SLC39A11: variants seen among roughly 807,000 people sequenced by gnomAD.
SLC39A11 encodes the protein zinc transporter ZIP11.
SLC39A11 carries 33 observed loss-of-function variants against 36.1 expected under a neutral mutation model. The ratio of observed to expected loss-of-function variants is 0.91; its 90% CI spans 0.69 to 1.22. The LOEUF (loss-of-function observed/expected upper bound fraction) is 1.22, where lower values mean the gene tolerates loss of function less well. SLC39A11 is among the 50% of genes most tolerant of loss of function. The pLI is 0.00. For synonymous variants in SLC39A11, 166 were observed against 170.3 expected (o/e 0.97, Z 0.20); for missense variants, 432 against 430.3 (o/e 1.00, Z -0.03).
intron 6 of SLC39A11, among the ~76,000 whole-genome samples, chr17:72,838,749 A>T (rs2078680527): frequency 6.6e-6 from 1 of 152,180 alleles, no homozygotes; most frequent in African/African-American, 2.4e-5. Flanking sequence ...TAGGGTCAGT[A>T]ACCATTTAAA....
intron 5 of SLC39A11, among the ~76,000 whole-genome samples, chr17:72,908,406 A>C (rs2082777576): frequency 6.6e-6 from 1 of 152,210 alleles, no homozygotes. Flanking sequence ...TGCTAGCCAC[A>C]CACACAGGGC....
chr17:72,817,084 T>C (rs1483122193), intron 6 of SLC39A11, among the ~76,000 whole-genome samples: 2 of 123,740 alleles, frequency 1.6e-5, no homozygotes, highest in Admixed American at 1.6e-4. Context: ...TCTCAGTCCA[T>C]TTGTGTTGAT....
intron 1 of SLC39A11, among the ~76,000 whole-genome samples, chr17:73,090,385 C>A (rs750283120): frequency 6.6e-6 from 1 of 152,086 alleles, no homozygotes; most frequent in Non-Finnish European, 1.5e-5. Context: ...AAAACTGTGA[C>A]CACGCCAATT....
chr17:73,089,934 A>C (rs2060870487), intron 1 of SLC39A11, among the ~76,000 whole-genome samples: 1 of 152,196 alleles, frequency 6.6e-6, no homozygotes, highest in Non-Finnish European at 1.5e-5. Flanking sequence ...TCCCTGTGGA[A>C]AGTTACAAGG....
At chr17:72,982,840 T>C (rs1243911617) in intron 4 of SLC39A11, among the ~76,000 whole-genome samples, 1 of 152,192 alleles carries the variant, frequency 6.6e-6, no homozygotes, top group Non-Finnish European at 1.5e-5. Flanking sequence ...GCAGCTAAAA[T>C]AAATAGTTGG....
At chr17:73,075,217 TTG>T (rs1207661838) in intron 3 of SLC39A11, among the ~76,000 whole-genome samples, 1 of 152,194 alleles carries the variant, frequency 6.6e-6, no homozygotes, top group Admixed American at 6.5e-5. Context: ...GAAAAGATGT[TTG>T]CCAACCTGTG....
intron 4 of SLC39A11, among the ~76,000 whole-genome samples, chr17:72,990,867 TG>T (rs1320050218): frequency 1.3e-5 from 2 of 152,222 alleles, no homozygotes; most frequent in African/African-American, 2.4e-5. Context: ...GGACCATTAC[TG>T]TTATACAAAG....
chr17:73,041,010 A>AAAAAAC (rs750102160), intron 3 of SLC39A11, among the ~76,000 whole-genome samples: 73 of 100,142 alleles, frequency 7.3e-4, no homozygotes, highest in East Asian at 4.3e-3. Context: ...AACAAAAAAC[A>AAAAAAC]AAAAAAAAAA....
At chr17:72,653,137 CT>C (rs2069933585) in intron 7 of SLC39A11, among the ~76,000 whole-genome samples, 1 of 150,102 alleles carries the variant, frequency 6.7e-6, no homozygotes, top group African/African-American at 2.5e-5. Context: ...TGGAGTCTCG[CT>C]CTGTCATCCA....
At chr17:72,742,925 G>C (rs1417986807) in intron 6 of SLC39A11, among the ~76,000 whole-genome samples, 2 of 152,158 alleles carry the variant, frequency 1.3e-5, no homozygotes, top group Non-Finnish European at 2.9e-5. Context: ...ATATCTGTCA[G>C]ATATCACAAT....
chr17:72,780,611 A>G (rs1008938945), intron 6 of SLC39A11, among the ~76,000 whole-genome samples: 1 of 151,522 alleles, frequency 6.6e-6, no homozygotes, highest in Non-Finnish European at 1.5e-5. Flanking sequence ...CAAGTTCATC[A>G]TTCCATGTAG....
intron 4 of SLC39A11, among the ~76,000 whole-genome samples, chr17:72,958,077 C>T (rs1171591288): frequency 6.6e-6 from 1 of 152,170 alleles, no homozygotes; most frequent in Non-Finnish European, 1.5e-5. Context: ...TTAAAGCCAA[C>T]TGATCTTCTA....
chr17:72,810,075 C>CAAAAAAAAAAAAA, intron 6 of SLC39A11, among the ~76,000 whole-genome samples: 1 of 53,530 alleles, frequency 1.9e-5, no homozygotes, highest in Non-Finnish European at 3.6e-5. Context: ...AAAACAAAAA[C>CAAAAAAAAAAAAA]AAAAACAACA....
At chr17:72,785,539 C>T (rs555178338) in intron 6 of SLC39A11, among the ~76,000 whole-genome samples, 1 of 152,310 alleles carries the variant, frequency 6.6e-6, no homozygotes, top group Non-Finnish European at 1.5e-5. Flanking sequence ...CATGATGTCA[C>T]TTGAGCTCAA....
At chr17:72,647,813 C>T (rs535034448) in intron 9 of SLC39A11, 151 bp from the exon 10 acceptor site, 1 of 629,476 alleles carries the variant, frequency 1.6e-6, no homozygotes, top group African/African-American at 1.8e-5. Flanking sequence ...ATGTGCCAGG[C>T]AAACTAATGA....
At chr17:72,786,793 T>C (rs970221402) in intron 6 of SLC39A11, among the ~76,000 whole-genome samples, 4 of 152,128 alleles carry the variant, frequency 2.6e-5, no homozygotes, top group African/African-American at 7.2e-5. Flanking sequence ...AGAGGCAGAC[T>C]CTAGGCAGAG....
chr17:72,930,037 A>G (rs1381069254), intron 5 of SLC39A11, among the ~76,000 whole-genome samples: 2 of 152,204 alleles, frequency 1.3e-5, no homozygotes, highest in African/African-American at 4.8e-5. Flanking sequence ...AAATCTCCTG[A>G]CTTTTAAAAT....
intron 3 of SLC39A11, among the ~76,000 whole-genome samples, chr17:73,038,309 T>C (rs2058991533): frequency 6.6e-6 from 1 of 152,074 alleles, no homozygotes; most frequent in South Asian, 2.1e-4. Flanking sequence ...GGATTGAAAG[T>C]CTAACTTCAG....
chr17:72,781,714 C>T (rs76459489), intron 6 of SLC39A11, among the ~76,000 whole-genome samples: 5,590 of 152,172 alleles, frequency 0.037, 321 homozygotes, highest in African/African-American at 0.12. Flanking sequence ...CCACTGTACC[C>T]GGTCCTTATT....
Sources: gnomAD v4.1 joint callset for allele counts (sites outside exome capture counted in the v4.1 genomes callset) on GRCh38, gnomAD v4.1.1 for gene constraint, MANE v1.5 for transcripts, NCBI Gene and HGNC (gene_info 2026-07-23, HGNC 2026-07-21) for gene names.